The following MAD1L1 variants were observed in gnomAD, a reference collection of about 807,000 sequenced individuals.
MAD1L1 encodes the protein mitotic arrest deficient 1 like 1.
Under a neutral mutation model 96.9 loss-of-function variants are expected in MAD1L1, and 95 were observed. That is an observed-to-expected ratio of 0.98 (90% CI 0.83 to 1.16). The LOEUF is 1.16. Ranked by LOEUF, MAD1L1 falls within the 50% of genes most tolerant of loss-of-function variation. The pLI is 0.00. For missense variants in MAD1L1, 1,007 were observed against 954.4 expected, an observed-to-expected ratio of 1.06 and a Z score of -0.73; for synonymous variants, 473 against 396.6, an observed-to-expected ratio of 1.19 and a Z score of -2.29.
chr7:1,966,568 AAAAAAAAAC>A (rs904128912), intron 15 of MAD1L1, among the ~76,000 whole-genome samples: 17 of 141,674 alleles, frequency 1.2e-4, no homozygotes, highest in Admixed American at 2.2e-4. Context: ...GGCAAAAAAA[AAAAAAAAAC>A]AAAAAAAATC....
intron 11 of MAD1L1, among the ~76,000 whole-genome samples, chr7:2,147,450 GAC>G (rs1334206383): frequency 6.6e-6 from 1 of 152,250 alleles, no homozygotes; most frequent in Non-Finnish European, 1.5e-5. Flanking sequence ...CCAGCATACA[GAC>G]ACACACATGA....
At chr7:2,198,817 C>T (rs1229047380) in intron 10 of MAD1L1, among the ~76,000 whole-genome samples, 1 of 152,230 alleles carries the variant, frequency 6.6e-6, no homozygotes, top group Non-Finnish European at 1.5e-5. Flanking sequence ...GGCCATCAGG[C>T]TGGGCAAGGA....
rs575203069 is a variant in MAD1L1, at chr7:1,941,697, G to A, written c.1597-4800C>T. ...AGGTCGGCGCAGGTTCCCGTGGCCCGGCTTCCACCTGCAGCAGGAGGCCCT... is the reference window on the plus strand; with the variant it reads ...AGGTCGGCGCAGGTTCCCGTGGCCCAGCTTCCACCTGCAGCAGGAGGCCCT... On this transcript the variant is annotated intron_variant, in intron 16 of 18. Transcript: ENST00000265854. 9.6e-4 allele frequency among the ~76,000 whole-genome samples: 146 copies of A among 152,326 alleles called. 2 individuals carry two copies. The highest frequency in any genetic ancestry group is 1.6e-3 in the Non-Finnish European group (107 of 68,026).
At chr7:1,967,919 A>T (rs1196534019) in intron 15 of MAD1L1, among the ~76,000 whole-genome samples, 1 of 152,092 alleles carries the variant, frequency 6.6e-6, no homozygotes. Context: ...AACTCCCTCC[A>T]GTCCACACTG....
At chr7:2,153,147 C>T (rs934437507) in intron 10 of MAD1L1, among the ~76,000 whole-genome samples, 1 of 152,128 alleles carries the variant, frequency 6.6e-6, no homozygotes, top group South Asian at 2.1e-4. Context: ...ATAGCTAAGA[C>T]CTCAAAAGCA....
At chr7:2,223,936 C>A (rs192841132) in intron 4 of MAD1L1, among the ~76,000 whole-genome samples, 2 of 152,150 alleles carry the variant, frequency 1.3e-5, no homozygotes, top group African/African-American at 4.8e-5. Flanking sequence ...GCTGTGTCTG[C>A]GGGCAAGGAA....
At chr7:1,908,449 G>A (rs1393813587) in intron 17 of MAD1L1, among the ~76,000 whole-genome samples, 2 of 152,114 alleles carry the variant, frequency 1.3e-5, no homozygotes, top group African/African-American at 4.8e-5. Context: ...TGGCGCGATC[G>A]TGGCTCACTG....
intron 17 of MAD1L1, among the ~76,000 whole-genome samples, chr7:1,910,450 G>A (rs966669908): frequency 2.0e-5 from 3 of 152,236 alleles, no homozygotes; most frequent in Admixed American, 6.5e-5. Context: ...CCACCTCTGC[G>A]ATGCCAGCAC....
intron 3 of MAD1L1, among the ~76,000 whole-genome samples, chr7:2,229,484 G>A (rs555806564): frequency 5.9e-5 from 9 of 152,334 alleles, no homozygotes; most frequent in Non-Finnish European, 8.8e-5. Context: ...GAAGAAAACT[G>A]TAAAAATCAC....
chr7:2,087,517 G>T (rs1431536342), intron 11 of MAD1L1, among the ~76,000 whole-genome samples: 1 of 152,178 alleles, frequency 6.6e-6, no homozygotes, highest in Non-Finnish European at 1.5e-5. Context: ...TCCAGCCTGG[G>T]CAACAGTGTG....
chr7:2,079,637 T>G, intron 11 of MAD1L1: 1 of 470,942 alleles, frequency 2.1e-6, no homozygotes, highest in Non-Finnish European at 4.4e-6. Flanking sequence ...AATTGCCCTT[T>G]GCAATTTCAA....
intron 18 of MAD1L1, among the ~76,000 whole-genome samples, chr7:1,831,086 A>G (rs866432907): frequency 0.012 from 1,766 of 147,044 alleles, no homozygotes; most frequent in East Asian, 0.035. Flanking sequence ...CTGTGTTCAC[A>G]TGAGCACACC....
chr7:1,947,871 C>A (rs1034221117), intron 16 of MAD1L1, among the ~76,000 whole-genome samples: 6 of 152,200 alleles, frequency 3.9e-5, no homozygotes, highest in African/African-American at 4.8e-5. Context: ...GAGGGGCCTG[C>A]GGGGCCGTGT....
In MAD1L1 at chr7:2,059,272, G is replaced by C. The variant is rs529283055; in HGVS notation, c.1218+9922C>G. On this transcript the variant is annotated intron_variant, in intron 12 of 18. Transcript: ENST00000265854. ...CTGGAGAGGGAGTGTGGCCAGGAGA[G>C]AAGCAGGGCTGGAGAGGGAGTGTGG... Among the ~76,000 whole-genome samples, 7 of 134,696 alleles carry C rather than the reference G, an allele frequency of 5.2e-5. 1 individual carries two copies. Among genetic ancestry groups the C allele is most frequent in the Admixed American group, 1.4e-4 (2 of 14,008 alleles). 88.4% of individuals were successfully genotyped at this position (134,696 alleles called of 152,430 possible). A position where few individuals can be genotyped will look rare whatever the true frequency, so the allele number is the denominator to read the frequency against.
intron 11 of MAD1L1, among the ~76,000 whole-genome samples, chr7:2,105,071 C>T (rs190384895): frequency 1.3e-5 from 2 of 152,326 alleles, no homozygotes; most frequent in East Asian, 3.9e-4. Flanking sequence ...CCGGACACCG[C>T]AGTGAGGGGC....
chr7:2,124,306 C>T (rs939425342), intron 11 of MAD1L1, among the ~76,000 whole-genome samples: 6 of 152,214 alleles, frequency 3.9e-5, no homozygotes, highest in Non-Finnish European at 7.3e-5. Context: ...CAAAGACCCT[C>T]GCCCAGGAGC....
intron 10 of MAD1L1, among the ~76,000 whole-genome samples, chr7:2,199,015 C>T (rs1022283255): frequency 1.3e-5 from 2 of 152,226 alleles, no homozygotes; most frequent in Non-Finnish European, 2.9e-5. Flanking sequence ...ACAGTCCTCC[C>T]GGCCTTGGGC....
chr7:1,909,126 G>A (rs552146588), intron 17 of MAD1L1, among the ~76,000 whole-genome samples: 24 of 152,304 alleles, frequency 1.6e-4, no homozygotes, highest in African/African-American at 5.1e-4. Flanking sequence ...GCCCGACACC[G>A]GCGTGGTGTA....
chr7:1,876,535 T>G (rs1785395019), intron 18 of MAD1L1, among the ~76,000 whole-genome samples: 1 of 152,076 alleles, frequency 6.6e-6, no homozygotes, highest in Admixed American at 6.6e-5. Flanking sequence ...TTACGATACC[T>G]TGGATTTGCT....
Sources: allele counts gnomAD v4.1 joint callset (sites outside exome capture counted in the v4.1 genomes callset), GRCh38; gene constraint gnomAD v4.1.1; transcripts MANE v1.5; gene names NCBI Gene and HGNC (gene_info 2026-07-23, HGNC 2026-07-21).